The following KIF5A variants were observed in gnomAD, a reference collection of about 807,000 sequenced individuals.
KIF5A encodes kinesin family member 5A, also known as kinesin heavy chain isoform 5A.
KIF5A carries 35 observed loss-of-function variants against 141.3 expected under a neutral mutation model. The observed-to-expected ratio is 0.25, with a 90% CI of 0.19 to 0.33. The LOEUF (loss-of-function observed/expected upper bound fraction) is 0.33, where lower values mean the gene tolerates loss of function less well. Among genes scored for constraint, KIF5A ranks in the 10% least tolerant of loss-of-function variants. The pLI, the probability that KIF5A is intolerant of heterozygous loss-of-function variation, is 1.00. For missense variants in KIF5A, 861 were observed against 1,314.3 expected (o/e 0.66, Z 5.33); for synonymous variants, 448 against 500.2 (o/e 0.90, Z 1.39).
chr12:57,576,961 T>C (rs1882447136), intron 20 of KIF5A, 99 bp downstream of exon 20: 3 of 857,292 alleles, frequency 3.5e-6, no homozygotes, highest in Non-Finnish European at 5.8e-6. Context: ...GCAGACATGA[T>C]AGGGTGACTC....
In KIF5A at chr12:57,550,270, C is replaced by G; in HGVS notation, c.-2C>G. On this transcript the variant is annotated 5_prime_UTR_variant, in exon 1 of 29. Transcript: ENST00000455537. This position sits in a 1 kb window ranked among gnomAD's most constrained non-coding sequence, Gnocchi z 4.6. ...AGTCCCAGCCCCACGCCGGCTACCA[C>G]CATGGCGGAGACCAACAACGAATGT... is the stretch of plus-strand genomic sequence containing the variant. 4 of 1,614,104 alleles carry G rather than the reference C, an allele frequency of 2.5e-6. No individual in the cohort carries two copies. The highest frequency in any genetic ancestry group is 3.4e-6 in the Non-Finnish European group (4 of 1,180,012).
chr12:57,550,066 G>C lies in KIF5A; in HGVS notation c.-206G>C, dbSNP rs2140149882. Reference sequence around the variant, plus strand: ...GGCAGAGAGCCCGAAAGGACCAGACGCCCAGGTCGCCCGCATCCCGCTGCC... The same window carrying C: ...GGCAGAGAGCCCGAAAGGACCAGACCCCCAGGTCGCCCGCATCCCGCTGCC... On this transcript the variant is annotated 5_prime_UTR_variant, in exon 1 of 29. Coordinates refer to ENST00000455537, the MANE Select transcript of KIF5A (RefSeq NM_004984.4). This position sits in a 1 kb window ranked among gnomAD's most constrained non-coding sequence, Gnocchi z 4.6. 1.6e-6 allele frequency: 1 copy of C among 609,636 alleles called. No homozygotes were observed. Among genetic ancestry groups the C allele is most frequent in the East Asian group, 2.9e-5 (1 of 34,402 alleles). 37.8% of individuals were successfully genotyped at this position (609,636 alleles called of 1,614,324 possible).
intron 1 of KIF5A, among the ~76,000 whole-genome samples, chr12:57,557,398 T>C (rs1881779035): frequency 6.6e-6 from 1 of 152,158 alleles, no homozygotes; most frequent in South Asian, 2.1e-4. Flanking sequence ...GATTTTTCTT[T>C]AATAATATTA....
Position 57,567,487 on chromosome 12 carries a change from C to A in KIF5A, c.590-7C>A. ...GTGCAGGTCCTGTTTCTCCCTTGCT[C>A]CTGCAGACATGAATGAACACAGCTC... On this transcript the variant is annotated splice_region_variant and splice_polypyrimidine_tract_variant and intron_variant, in intron 7 of 28. Transcript: ENST00000455537. 2 of 1,612,754 alleles carry A rather than the reference C, an allele frequency of 1.2e-6. No individual in the cohort carries two copies. The highest frequency in any genetic ancestry group is 2.2e-5 in the South Asian group (2 of 90,946).
In KIF5A at chr12:57,572,640, C is replaced by T. The variant is rs1318854821; in HGVS notation, c.1630C>T (p.Arg544Ter). 1 of 1,614,190 alleles carries T rather than the reference C, an allele frequency of 6.2e-7. No individual in the cohort carries two copies. The part of the protein sequence containing the change: ...QRLQEVSGHQ[R>*]KRIAEVLNGL... ...GCTACAGGAGGTCAGTGGACACCAGCGAAAACGAATTGCTGAGGTGCTGAA... is the reference window on the plus strand; with the variant it reads ...GCTACAGGAGGTCAGTGGACACCAGTGAAAACGAATTGCTGAGGTGCTGAA... Residue 544 changes from arginine to a stop codon, truncating the protein, a stop_gained, in exon 15 of 29, where the codon CGA becomes TGA. Coordinates refer to ENST00000455537, the MANE Select transcript of KIF5A (RefSeq NM_004984.4). LOFTEE classifies it high-confidence loss of function. This position sits in a 1 kb window ranked among gnomAD's most constrained non-coding sequence, Gnocchi z 4.2.
At chr12:57,583,742 A>G (rs1181596712) in intron 28 of KIF5A, among the ~76,000 whole-genome samples, 1 of 152,088 alleles carries the variant, frequency 6.6e-6, no homozygotes, top group African/African-American at 2.4e-5. Context: ...GCCCCACGAA[A>G]TCAGTCAGCG....
rs1054682308 is a variant in KIF5A at position 57,586,425 on chromosome 12, C to G, written c.*2244C>G. 6.6e-6 allele frequency: 1 copy of G among 152,426 alleles called. No homozygotes were observed. The highest frequency in any genetic ancestry group is 1.5e-5 in the Non-Finnish European group (1 of 68,054). The allele number at this position is 152,426 out of a possible 1,614,324, so 9.4% of individuals were successfully genotyped here. On this transcript the variant is annotated 3_prime_UTR_variant, in exon 29 of 29. Transcript: ENST00000455537. ...CAAACCCTTCACCAGAAGCTTCACA[C>G]TACATCCTCCTCCTCCTCCTGCTCC...
chr12:57,573,522 C>A (rs1882319898), intron 15 of KIF5A, among the ~76,000 whole-genome samples: 1 of 149,208 alleles, frequency 6.7e-6, no homozygotes, highest in Non-Finnish European at 1.5e-5. Flanking sequence ...CAGAGCCAGA[C>A]CTTGTCTTAA....
At position 57,570,012 on chromosome 12, in the gene KIF5A, C is replaced by T; in HGVS notation, c.1143C>T (p.Arg381=). ...GAGAGAATGTGCCTGAGACAGAGCG[C>T]CTGGCTGGGGAGGAGGCAGCCCTGG... ...RNGENVPETE[R]LAGEEAALGA... The change falls in exon 12 of 29, where the codon CGC becomes CGT. Residue 381 remains arginine (R), a synonymous_variant. Transcript: ENST00000455537. 6.2e-7 allele frequency: 1 copy of T among 1,613,652 alleles called. No individual in the cohort carries two copies. The highest frequency in any genetic ancestry group is 1.1e-5 in the South Asian group (1 of 91,066).
chr12:57,576,003 C>A, intron 17 of KIF5A, 84 bp from the exon 18 acceptor site: 1 of 1,349,504 alleles, frequency 7.4e-7, no homozygotes, highest in Non-Finnish European at 1.1e-6. Context: ...CATTCCCAGC[C>A]CTGCCTGGAG....
intron 1 of KIF5A, among the ~76,000 whole-genome samples, chr12:57,559,679 C>G (rs1344591453): frequency 2.6e-5 from 4 of 152,108 alleles, no homozygotes; most frequent in Non-Finnish European, 5.9e-5. Context: ...TCCTTCATAT[C>G]CTCTTCCTGT....
In KIF5A at chr12:57,550,191, C is replaced by T; in HGVS notation, c.-81C>T. ...CTGAGCACCTGTCCTCCGCCTCGGC[C>T]TCTGCTGAGAGCCCTCTCCTCTGGA... is the stretch of plus-strand genomic sequence containing the variant. On this transcript the variant is annotated 5_prime_UTR_variant, in exon 1 of 29. Coordinates refer to ENST00000455537, the MANE Select transcript of KIF5A (RefSeq NM_004984.4). The surrounding 1 kb of genome is among the most constrained non-coding windows in gnomAD (Gnocchi z 4.6). 2 of 1,594,198 alleles carry T rather than the reference C, an allele frequency of 1.3e-6. No homozygotes were observed. The highest frequency in any genetic ancestry group is 1.7e-6 in the Non-Finnish European group (2 of 1,166,374).
At chr12:57,563,562 A>T in intron 2 of KIF5A, 36 bp downstream of exon 2, 1 of 1,606,336 alleles carries the variant, frequency 6.2e-7, no homozygotes. Context: ...TCTTCTCAGC[A>T]CCCCATTTCC....
At chr12:57,552,535 G>T (rs561212734) in intron 1 of KIF5A, among the ~76,000 whole-genome samples, 10 of 152,260 alleles carry the variant, frequency 6.6e-5, no homozygotes, top group African/African-American at 2.4e-4. Flanking sequence ...ATGCTTACGG[G>T]GGGGCCATTT....
chr12:57,558,317 G>A lies in KIF5A; in HGVS notation c.130-5122G>A, dbSNP rs1362943736. ...AGCACTTTGGGAGGCTGAGGTGGGCGGATCATGAGGTCAGGAGATGGAGAC... is the reference window on the plus strand; with the variant it reads ...AGCACTTTGGGAGGCTGAGGTGGGCAGATCATGAGGTCAGGAGATGGAGAC... On this transcript the variant is annotated intron_variant, in intron 1 of 28. Coordinates refer to ENST00000455537, the MANE Select transcript of KIF5A (RefSeq NM_004984.4). Among the ~76,000 whole-genome samples, 9 of 151,976 alleles carry A rather than the reference G, an allele frequency of 5.9e-5. 1 individual carries two copies. The highest frequency in any genetic ancestry group is 5.9e-4 in the East Asian group (3 of 5,078).
rs765336571 is a variant in KIF5A at position 57,585,394 on chromosome 12, C to G, written c.*1213C>G. 1 of 154,382 alleles carries G rather than the reference C, an allele frequency of 6.5e-6. No individual in the cohort carries two copies. Among genetic ancestry groups the G allele is most frequent in the African/African-American group, 2.4e-5 (1 of 41,502 alleles). The allele number at this position is 154,382 out of a possible 1,614,324, so 9.6% of individuals were successfully genotyped here. On this transcript the variant is annotated 3_prime_UTR_variant, in exon 29 of 29. Transcript: ENST00000455537. ...GTGGATTTTCAAGAGGTGGGAAGCT[C>G]TAAGGCTTGACCCTGAGGGGTCTTC...
intron 20 of KIF5A, among the ~76,000 whole-genome samples, chr12:57,577,310 A>G (rs1444550973): frequency 6.6e-6 from 1 of 152,218 alleles, no homozygotes; most frequent in Non-Finnish European, 1.5e-5. Context: ...ATAAATAATA[A>G]TAGGCTGGGT....
intron 1 of KIF5A, among the ~76,000 whole-genome samples, chr12:57,560,655 A>C (rs1881879543): frequency 6.6e-6 from 1 of 152,058 alleles, no homozygotes; most frequent in Non-Finnish European, 1.5e-5. Flanking sequence ...GCTTGTTTCT[A>C]GTTCTTGTTC....
chr12:57,563,724 C>T, intron 3 of KIF5A, 31 bp downstream of exon 3: 2 of 1,582,512 alleles, frequency 1.3e-6, no homozygotes, highest in Non-Finnish European at 1.7e-6. Flanking sequence ...GGTTGAGGGG[C>T]TAGGAGTGTT....
Sources: gnomAD v4.1 joint callset for allele counts (sites outside exome capture counted in the v4.1 genomes callset) on GRCh38, gnomAD v4.1.1 for gene constraint, Gnocchi (gnomAD v3.1) non-coding constraint, MANE v1.5 for transcripts, NCBI Gene and HGNC (gene_info 2026-07-23, HGNC 2026-07-21) for gene names.